PPP2R5A: variants seen among roughly 807,000 people sequenced by gnomAD.
PPP2R5A encodes protein phosphatase 2 regulatory subunit B'alpha.
A neutral mutation model predicts 64.2 loss-of-function variants in PPP2R5A; 25 were observed. The ratio of observed to expected loss-of-function variants is 0.39; its 90% confidence interval spans 0.28 to 0.54. The LOEUF (loss-of-function observed/expected upper bound fraction) is 0.54. Ranked by LOEUF, PPP2R5A falls within the 20% of genes least tolerant of loss-of-function variation. The pLI, the probability that PPP2R5A is intolerant of heterozygous loss-of-function variation, is 0.67. For missense variants in PPP2R5A, 425 were observed against 576.3 expected (o/e 0.74, Z 2.69); for synonymous variants, 198 against 201.2 (o/e 0.98, Z 0.13).
intron 1 of PPP2R5A, among the ~76,000 whole-genome samples, chr1:212,325,735 T>C (rs990805366): frequency 1.3e-5 from 2 of 152,092 alleles, no homozygotes; most frequent in African/African-American, 4.8e-5. Flanking sequence ...TATAAAGATA[T>C]TACTGAATAA....
At chr1:212,320,372 G>A (rs1432430211) in intron 1 of PPP2R5A, among the ~76,000 whole-genome samples, 1 of 152,058 alleles carries the variant, frequency 6.6e-6, no homozygotes, top group East Asian at 1.9e-4. Context: ...GCAACCATCC[G>A]ATTTCTCAAT....
chr1:212,286,554 C>A (rs550531221), intron 1 of PPP2R5A, among the ~76,000 whole-genome samples: 1 of 152,184 alleles, frequency 6.6e-6, no homozygotes, highest in Admixed American at 6.5e-5. Flanking sequence ...TCCCCACCTG[C>A]GCGCTTGCTT....
At chr1:212,301,203 G>A (rs1658794662) in intron 1 of PPP2R5A, among the ~76,000 whole-genome samples, 1 of 152,182 alleles carries the variant, frequency 6.6e-6, no homozygotes, top group Admixed American at 6.5e-5. Context: ...TAGAGACGGG[G>A]TTTCGCCATG....
intron 1 of PPP2R5A, chr1:212,302,081 T>A (rs1658807689): frequency 4.6e-6 from 7 of 1,526,322 alleles, no homozygotes; most frequent in Non-Finnish European, 6.1e-6. Flanking sequence ...GAGGAAGGCT[T>A]TATGATAATG....
chr1:212,346,804 T>C (rs1382719656), intron 5 of PPP2R5A, among the ~76,000 whole-genome samples: 1 of 152,190 alleles, frequency 6.6e-6, no homozygotes. Context: ...GAGTAATATC[T>C]GCCTCCTCTA....
At chr1:212,347,238 T>G (rs1268558380) in intron 5 of PPP2R5A, 109 bp from the exon 6 acceptor site, 5 of 754,632 alleles carry the variant, frequency 6.6e-6, no homozygotes, top group Non-Finnish European at 2.2e-6. Context: ...AACATGCTTG[T>G]GTGTTTCTAA....
rs939460583 is a variant in PPP2R5A at position 212,329,463 on chromosome 1, C to A, written c.378+132C>A. 7.9e-6 allele frequency: 6 copies of A among 760,594 alleles called. No homozygotes were observed. In the South Asian group the frequency reaches 8.7e-5, roughly 11 times the overall value. 47.1% of individuals were successfully genotyped at this position (760,594 alleles called of 1,614,324 possible). On this transcript the variant is annotated intron_variant, in intron 2 of 12. Transcript: ENST00000261461. Reference sequence around the variant, plus strand: ...CCCAAATTTTAGAAAATAGTTCATACCCCATCCATTCCAATGATACCATCA... The same window carrying A: ...CCCAAATTTTAGAAAATAGTTCATAACCCATCCATTCCAATGATACCATCA...
chr1:212,354,799 A>G (rs756715485), intron 8 of PPP2R5A, among the ~76,000 whole-genome samples: 4 of 152,276 alleles, frequency 2.6e-5, no homozygotes, highest in African/African-American at 7.2e-5. Flanking sequence ...TTATAATGCT[A>G]TATTTTTACT....
At chr1:212,324,241 A>G (rs1659367637) in intron 1 of PPP2R5A, among the ~76,000 whole-genome samples, 2 of 152,224 alleles carry the variant, frequency 1.3e-5, no homozygotes, top group Admixed American at 6.5e-5. Flanking sequence ...TAGGCTGTGT[A>G]CAAACCTGTA....
chr1:212,309,569 CA>C, intron 1 of PPP2R5A: 1 of 705,800 alleles, frequency 1.4e-6, no homozygotes, highest in Non-Finnish European at 2.5e-6. Flanking sequence ...GTTCTTTGAA[CA>C]TATATAATGA....
chr1:212,348,473 A>G lies in PPP2R5A; in HGVS notation c.849A>G (p.Lys283=). Residue 283 remains lysine (K), a synonymous_variant, in exon 7 of 13, where the codon AAA becomes AAG. Coordinates refer to ENST00000261461, the MANE Select transcript of PPP2R5A (RefSeq NM_006243.4). ...MKVLIPMHTA[K]GLALFHAQLA... Reference sequence around the variant, plus strand: ...TTCTTATTCCTATGCATACTGCAAAAGGATTAGCTTTGTTTCATGCTCAGG... The same window carrying G: ...TTCTTATTCCTATGCATACTGCAAAGGGATTAGCTTTGTTTCATGCTCAGG... 6.3e-7 allele frequency: 1 copy of G among 1,599,698 alleles called. No homozygotes were observed. Among genetic ancestry groups the G allele is most frequent in the Non-Finnish European group, 8.6e-7 (1 of 1,168,834 alleles).
intron 1 of PPP2R5A, among the ~76,000 whole-genome samples, chr1:212,320,756 C>T (rs1338703788): frequency 1.4e-5 from 2 of 140,842 alleles, no homozygotes; most frequent in African/African-American, 2.6e-5. Flanking sequence ...CCAGTAGGGG[C>T]GGCCGGGCAG....
chr1:212,289,295 C>T (rs1339563574), intron 1 of PPP2R5A, among the ~76,000 whole-genome samples: 1 of 152,146 alleles, frequency 6.6e-6, no homozygotes, highest in Non-Finnish European at 1.5e-5. Flanking sequence ...CTTTTTCACA[C>T]CTAGTAAGTA....
At chr1:212,300,603 C>T (rs1658784442) in intron 1 of PPP2R5A, among the ~76,000 whole-genome samples, 1 of 152,076 alleles carries the variant, frequency 6.6e-6, no homozygotes, top group Non-Finnish European at 1.5e-5. Context: ...TGGGATCATA[C>T]TGTGTATGTT....
chr1:212,335,910 AT>A lies in PPP2R5A; in HGVS notation c.480+2317del, dbSNP rs150039082. On this transcript the variant is annotated intron_variant, in intron 3 of 12. Transcript: ENST00000261461. ...CTGAAAAAGACCCCTTGGTCTTTGA[AT>A]TTTTAAAAGTAAAGAAAGTGTTTTC... 5.1e-3 allele frequency among the ~76,000 whole-genome samples: 780 copies of A among 152,294 alleles called. 3 individuals are homozygous for A. The highest frequency in any genetic ancestry group is 0.018 in the African/African-American group (748 of 41,558).
intron 12 of PPP2R5A, among the ~76,000 whole-genome samples, chr1:212,360,213 A>G (rs1247363320): frequency 6.6e-6 from 1 of 152,206 alleles, no homozygotes; most frequent in East Asian, 1.9e-4. Flanking sequence ...TGTGGCTGTT[A>G]GTGGCAAAAA....
Position 212,285,884 on chromosome 1 carries a change from G to A in PPP2R5A, c.-227G>A, listed in dbSNP as rs562670692. 3.1e-4 allele frequency: 126 copies of A among 405,640 alleles called. 1 individual carries two copies. In the East Asian group the frequency reaches 4.7e-3, roughly 15 times the overall value. The allele number at this position is 405,640 out of a possible 1,614,324, so 25.1% of individuals were successfully genotyped here. ...GCCCTTCCCTCCGTCAGCCCCGGGA[G>A]CTCGCCGCGCGCCGGGGACCAGGAA... On this transcript the variant is annotated 5_prime_UTR_variant, in exon 1 of 13. Transcript: ENST00000261461.
At chr1:212,304,473 T>C (rs1416821649) in intron 1 of PPP2R5A, among the ~76,000 whole-genome samples, 2 of 151,874 alleles carry the variant, frequency 1.3e-5, no homozygotes, top group African/African-American at 4.8e-5. Flanking sequence ...CGCTTGAACC[T>C]GGGAGGAGGA....
chr1:212,340,539 A>G (rs538485563), intron 3 of PPP2R5A, among the ~76,000 whole-genome samples: 19 of 152,288 alleles, frequency 1.2e-4, no homozygotes, highest in African/African-American at 3.1e-4. Flanking sequence ...TCAGTTTTGT[A>G]TATCTTTTTG....
Sources: allele counts gnomAD v4.1 joint callset (sites outside exome capture counted in the v4.1 genomes callset), GRCh38; gene constraint gnomAD v4.1.1; transcripts MANE v1.5; gene names NCBI Gene and HGNC (gene_info 2026-07-23, HGNC 2026-07-21).